Variants in MAGI1 observed in about 807,000 individuals in gnomAD.
MAGI1 encodes membrane associated guanylate kinase, WW and PDZ domain containing 1.
MAGI1 carries 58 observed loss-of-function variants against 139.9 expected under a neutral mutation model. The observed-to-expected ratio is 0.41, with a 90% confidence interval of 0.34 to 0.52. The LOEUF (loss-of-function observed/expected upper bound fraction) is 0.52, where lower values mean the gene tolerates loss of function less well. Ranked by LOEUF, MAGI1 falls within the 20% of genes least tolerant of loss-of-function variation. The pLI is 0.12. For missense variants in MAGI1, 1,874 were observed against 1,901.6 expected, an observed-to-expected ratio of 0.99 and a Z score of 0.27; for synonymous variants, 812 against 737.9, an observed-to-expected ratio of 1.10 and a Z score of -1.63.
At chr3:65,602,365 G>A (rs1454543971) in intron 2 of MAGI1, among the ~76,000 whole-genome samples, 2 of 152,088 alleles carry the variant, frequency 1.3e-5, no homozygotes, top group African/African-American at 4.8e-5. Flanking sequence ...ATACTATTGG[G>A]CAATAAAAAG....
chr3:65,892,850 A>G (rs2060822479), intron 1 of MAGI1, among the ~76,000 whole-genome samples: 1 of 152,222 alleles, frequency 6.6e-6, no homozygotes, highest in South Asian at 2.1e-4. Context: ...AGGAAACACT[A>G]TTAGACCCAT....
At chr3:65,498,601 T>C (rs1396590256) in intron 2 of MAGI1, among the ~76,000 whole-genome samples, 2 of 152,188 alleles carry the variant, frequency 1.3e-5, no homozygotes, top group Admixed American at 6.5e-5. Flanking sequence ...ATTTTATTGA[T>C]GAAGAAGCTC....
intron 2 of MAGI1, among the ~76,000 whole-genome samples, chr3:65,540,885 AAGAGCAGCCAGGCTG>A (rs1176727875): frequency 6.6e-6 from 1 of 152,192 alleles, no homozygotes; most frequent in Non-Finnish European, 1.5e-5. Context: ...ATGTGCTGGG[AAGAGCAGCCAGGCTG>A]AGAGAGGGAT....
intron 2 of MAGI1, among the ~76,000 whole-genome samples, chr3:65,608,601 C>A (rs566625602): frequency 6.6e-6 from 1 of 152,170 alleles, no homozygotes; most frequent in African/African-American, 2.4e-5. Flanking sequence ...TGCACATCCA[C>A]CAAGATATGC....
intron 2 of MAGI1, among the ~76,000 whole-genome samples, chr3:65,521,530 T>C (rs900246583): frequency 6.6e-6 from 1 of 152,200 alleles, no homozygotes; most frequent in African/African-American, 2.4e-5. Context: ...TCAGGGAATA[T>C]TGACTTGAGG....
chr3:65,490,362 T>C (rs1951915837), intron 3 of MAGI1, among the ~76,000 whole-genome samples: 1 of 152,160 alleles, frequency 6.6e-6, no homozygotes, highest in African/African-American at 2.4e-5. Context: ...GCTTGCATGC[T>C]TGTTAGTGTC....
intron 1 of MAGI1, chr3:65,843,930 G>A (rs1358682422): frequency 1.9e-5 from 4 of 211,704 alleles, no homozygotes; most frequent in Admixed American, 5.6e-5. Flanking sequence ...CCCACAAAAA[G>A]CATGCAAATT....
intron 2 of MAGI1, among the ~76,000 whole-genome samples, chr3:65,494,708 A>C (rs561489763): frequency 6.6e-6 from 1 of 152,360 alleles, no homozygotes; most frequent in African/African-American, 2.4e-5. Flanking sequence ...GCAATTAAAT[A>C]ACCGACTATA....
At chr3:65,762,769 A>C (rs1323972605) in intron 1 of MAGI1, among the ~76,000 whole-genome samples, 2 of 152,146 alleles carry the variant, frequency 1.3e-5, no homozygotes, top group Non-Finnish European at 2.9e-5. Context: ...CCTGTTCTAC[A>C]GATGAGGAAA....
chr3:65,376,203 C>A (rs1942506046), intron 17 of MAGI1, among the ~76,000 whole-genome samples: 1 of 152,204 alleles, frequency 6.6e-6, no homozygotes, highest in Non-Finnish European at 1.5e-5. Context: ...GAATCCCCAG[C>A]TTTCCTCCTT....
Position 65,478,756 on chromosome 3 carries a change from C to G in MAGI1, c.593G>C (p.Ser198Thr). The G allele has an allele frequency of 6.2e-7, 1 of 1,614,106 alleles. No homozygotes were observed. Among genetic ancestry groups the G allele is most frequent in the South Asian group, 1.1e-5 (1 of 91,082 alleles). ...GGCATCCGTCGTGATCACTTTCCCACTGACTGGCTGGCTAGGAGGCTTGGG... is the reference window on the plus strand; with the variant it reads ...GGCATCCGTCGTGATCACTTTCCCAGTGACTGGCTGGCTAGGAGGCTTGGG... The part of the protein sequence containing the change: ...GTPKPPSQPV[S>T]GKVITTDALH... Residue 198 changes from serine (S) to threonine (T), a missense_variant, in exon 4 of 23, where the codon AGT becomes ACT. Physicochemically the swap from Ser to Thr is moderately conservative, Grantham distance 58. Coordinates refer to ENST00000402939, the MANE Select transcript of MAGI1 (RefSeq NM_001033057.2).
intron 8 of MAGI1, 131 bp downstream of exon 8, chr3:65,442,661 C>A: frequency 1.7e-6 from 1 of 600,124 alleles, no homozygotes; most frequent in South Asian, 2.7e-5. Flanking sequence ...TATATGCATA[C>A]ATATTTTCAT....
At chr3:65,394,815 C>T (rs933201368) in intron 13 of MAGI1, among the ~76,000 whole-genome samples, 14 of 152,108 alleles carry the variant, frequency 9.2e-5, no homozygotes, top group African/African-American at 2.9e-4. Context: ...TGTGCATTTT[C>T]AGCAGTCTGG....
rs1036541871 is a variant in MAGI1, at chr3:65,815,192, T to G, written c.314-193104A>C. 2.0e-5 allele frequency among the ~76,000 whole-genome samples: 3 copies of G among 152,322 alleles called. 1 individual carries two copies. Among genetic ancestry groups the G allele is most frequent in the Non-Finnish European group, 4.4e-5 (3 of 68,026 alleles). On this transcript the variant is annotated intron_variant, in intron 1 of 22. Transcript: ENST00000402939. ...TTCAAGGGACTGAATAGAAGTTCCT[T>G]TCGTCAAAAAGTCTGACAATTCTGG...
intron 1 of MAGI1, among the ~76,000 whole-genome samples, chr3:65,919,339 G>A (rs1223410201): frequency 1.3e-5 from 2 of 152,130 alleles, no homozygotes; most frequent in Admixed American, 6.5e-5. Context: ...AAGGCAGGAC[G>A]ATCGTTTGAG....
intron 1 of MAGI1, among the ~76,000 whole-genome samples, chr3:65,976,284 C>T (rs13098504): frequency 0.23 from 34,579 of 152,094 alleles, 5,178 homozygotes; most frequent in Admixed American, 0.33. Context: ...ATTTTTTAAA[C>T]GGAGTGGGAT....
intron 1 of MAGI1, among the ~76,000 whole-genome samples, chr3:65,943,124 G>A (rs546568656): frequency 9.8e-4 from 149 of 152,326 alleles, no homozygotes; most frequent in African/African-American, 2.6e-3. Context: ...CTTGTTATTT[G>A]ATGGAGAAAT....
chr3:65,865,068 ATATGTACATCTGTAAC>A (rs1280956799), intron 1 of MAGI1, among the ~76,000 whole-genome samples: 2 of 152,176 alleles, frequency 1.3e-5, no homozygotes, highest in African/African-American at 2.4e-5. Context: ...AATATTGTAG[ATATGTACATCTGTAAC>A]TATGCCATAC....
chr3:65,639,266 C>T (rs962493570), intron 1 of MAGI1, among the ~76,000 whole-genome samples: 1 of 152,138 alleles, frequency 6.6e-6, no homozygotes, highest in Admixed American at 6.5e-5. Flanking sequence ...TCTGTGGTTA[C>T]CAATTCATTT....
Sources: allele counts gnomAD v4.1 joint callset (sites outside exome capture counted in the v4.1 genomes callset), GRCh38; gene constraint gnomAD v4.1.1; transcripts MANE v1.5; gene names NCBI Gene and HGNC (gene_info 2026-07-23, HGNC 2026-07-21).